DPYD: variants seen among roughly 807,000 people sequenced by gnomAD.
The protein encoded by DPYD is dihydropyrimidine dehydrogenase [NADP(+)].
DPYD carries 109 observed loss-of-function variants against 116.2 expected under a neutral mutation model. That is an observed-to-expected ratio of 0.94 (90% CI 0.80 to 1.10). DPYD has a LOEUF of 1.10. Among genes scored for constraint, DPYD ranks in the 50% least tolerant of loss-of-function variants. DPYD has a pLI of 0.00. For missense variants in DPYD, 1,302 were observed against 1,254.5 expected, an observed-to-expected ratio of 1.04 and a Z score of -0.57; for synonymous variants, 440 against 432.0, an observed-to-expected ratio of 1.02 and a Z score of -0.23.
intron 6 of DPYD, among the ~76,000 whole-genome samples, chr1:97,698,818 A>C (rs1439823638): frequency 6.6e-6 from 1 of 151,908 alleles, no homozygotes; most frequent in East Asian, 1.9e-4. Flanking sequence ...TCCATGTATA[A>C]ATTTTCATGG....
chr1:97,116,901 C>T (rs1652006766), intron 20 of DPYD, among the ~76,000 whole-genome samples: 1 of 151,024 alleles, frequency 6.6e-6, no homozygotes, highest in Non-Finnish European at 1.5e-5. Context: ...GTAATTCTAG[C>T]ACTTCGGGAG....
chr1:97,508,153 T>C (rs1039090783), intron 13 of DPYD, among the ~76,000 whole-genome samples: 1 of 152,010 alleles, frequency 6.6e-6, no homozygotes, highest in Non-Finnish European at 1.5e-5. Context: ...TCCAAGAGCA[T>C]GGCAATTTCA....
chr1:97,079,133 T>G lies in DPYD; in HGVS notation c.2921A>C (p.Asp974Ala), dbSNP rs72547602. 1 of 1,613,428 alleles carries G rather than the reference T, an allele frequency of 6.2e-7. No homozygotes were observed. The change falls in exon 23 of 23, where the codon GAT becomes GCT. Residue 974 changes from aspartate (D) to alanine (A), a missense_variant. Transcript: ENST00000370192. ...TATGGTGGGCAGGTGGGTTTCTGGATCAAACTGTATAGCCTGCAAACAGAA... is the reference window on the plus strand; with the variant it reads ...TATGGTGGGCAGGTGGGTTTCTGGAGCAAACTGTATAGCCTGCAAACAGAA... Reference protein sequence around the residue: ...NDSGYQAIQFDPETHLPTITD... With the variant: ...NDSGYQAIQFAPETHLPTITD...
rs146543187 is a variant in DPYD at position 97,803,908 on chromosome 1, C to A, written c.233+24206G>T. Among the ~76,000 whole-genome samples, 816 of 151,860 alleles carry A rather than the reference C, an allele frequency of 5.4e-3. 10 individuals carry two copies. The highest frequency in any genetic ancestry group is 0.019 in the African/African-American group (768 of 41,496). On this transcript the variant is annotated intron_variant, in intron 3 of 22. Coordinates refer to ENST00000370192, the MANE Select transcript of DPYD (RefSeq NM_000110.4). ...ATTCAGAAAATACTTGGCAACTCCA[C>A]CTCATATGTACCTGGACTTAAAATA...
intron 20 of DPYD, among the ~76,000 whole-genome samples, chr1:97,139,334 T>C (rs1169077505): frequency 6.6e-6 from 1 of 152,154 alleles, no homozygotes; most frequent in Non-Finnish European, 1.5e-5. Flanking sequence ...GTGTTTTTTG[T>C]TCTTCTGAGA....
At chr1:97,303,003 C>A (rs957042130) in intron 18 of DPYD, among the ~76,000 whole-genome samples, 1 of 151,958 alleles carries the variant, frequency 6.6e-6, no homozygotes, top group Non-Finnish European at 1.5e-5. Context: ...TTAGCTAATG[C>A]ATTTTCTCTA....
At chr1:97,441,189 G>C (rs969701930) in intron 14 of DPYD, among the ~76,000 whole-genome samples, 2 of 151,970 alleles carry the variant, frequency 1.3e-5, no homozygotes, top group African/African-American at 4.8e-5. Context: ...CTTATGCTTG[G>C]AGTTGATGAA....
At chr1:97,774,425 G>T (rs1666295320) in intron 3 of DPYD, among the ~76,000 whole-genome samples, 1 of 152,136 alleles carries the variant, frequency 6.6e-6, no homozygotes, top group Admixed American at 6.5e-5. Context: ...ATGATATTAA[G>T]AGTTTTGCTA....
intron 8 of DPYD, among the ~76,000 whole-genome samples, chr1:97,597,490 G>C (rs1438363342): frequency 1.3e-5 from 2 of 152,214 alleles, no homozygotes; most frequent in Admixed American, 6.5e-5. Flanking sequence ...TGAATCCTGT[G>C]AAGGTTAGGG....
intron 4 of DPYD, among the ~76,000 whole-genome samples, chr1:97,733,254 CTTTA>C (rs1378445614): frequency 6.6e-6 from 1 of 151,966 alleles, no homozygotes; most frequent in African/African-American, 2.4e-5. Context: ...CTCAGCTTTA[CTTTA>C]TTTAATTTTA....
At chr1:97,140,891 T>C (rs926347917) in intron 20 of DPYD, among the ~76,000 whole-genome samples, 2 of 152,182 alleles carry the variant, frequency 1.3e-5, no homozygotes, top group Admixed American at 1.3e-4. Context: ...CTGGCTTGTT[T>C]TGAAAGTGCA....
chr1:97,094,416 C>T (rs1280924235), intron 21 of DPYD, among the ~76,000 whole-genome samples: 1 of 152,126 alleles, frequency 6.6e-6, no homozygotes, highest in Non-Finnish European at 1.5e-5. Flanking sequence ...GTAAGCAACA[C>T]ACTGAGGCCT....
At chr1:97,515,168 A>C (rs1328668554) in intron 13 of DPYD, among the ~76,000 whole-genome samples, 2 of 151,926 alleles carry the variant, frequency 1.3e-5, no homozygotes, top group Non-Finnish European at 2.9e-5. Flanking sequence ...TAAAGACTCA[A>C]TCTCAACTTT....
chr1:97,872,223 A>G (rs1671691986), intron 2 of DPYD, among the ~76,000 whole-genome samples: 1 of 151,950 alleles, frequency 6.6e-6, no homozygotes, highest in Non-Finnish European at 1.5e-5. Context: ...CTTCTTTTGC[A>G]AATAAAGCTA....
rs148872228 is a variant in DPYD at position 97,548,591 on chromosome 1, G to T, written c.1524+969C>A. Among the ~76,000 whole-genome samples, 130 of 152,134 alleles carry T rather than the reference G, an allele frequency of 8.5e-4. 4 individuals carry two copies. In the East Asian group the frequency reaches 0.023, roughly 27 times the overall value. On this transcript the variant is annotated intron_variant, in intron 12 of 22. Coordinates refer to ENST00000370192, the MANE Select transcript of DPYD (RefSeq NM_000110.4). ...ATCTCTACTAAAAATACAAAAATTA[G>T]CTGGGTGTGGTGGCATGAACCTATA...
intron 12 of DPYD, among the ~76,000 whole-genome samples, chr1:97,526,523 A>T (rs1290439416): frequency 2.0e-5 from 3 of 152,174 alleles, no homozygotes; most frequent in Non-Finnish European, 4.4e-5. Context: ...AAAATATTTT[A>T]AAAATCCCTC....
intron 8 of DPYD, among the ~76,000 whole-genome samples, chr1:97,598,806 AT>A (rs1655056772): frequency 1.3e-5 from 2 of 152,196 alleles, no homozygotes; most frequent in South Asian, 4.1e-4. Flanking sequence ...CACATTTTAA[AT>A]ATGAGGAAAT....
chr1:97,748,210 G>C (rs186268708), intron 3 of DPYD, among the ~76,000 whole-genome samples: 206 of 152,132 alleles, frequency 1.4e-3, no homozygotes, highest in African/African-American at 4.6e-3. Context: ...TTCTTAGATA[G>C]AGAAACTTAT....
At chr1:97,458,199 T>C (rs1256962804) in intron 13 of DPYD, among the ~76,000 whole-genome samples, 1 of 152,180 alleles carries the variant, frequency 6.6e-6, no homozygotes, top group African/African-American at 2.4e-5. Flanking sequence ...TTGGAAGTGA[T>C]AAATATTTTT....
Sources: gnomAD v4.1 joint callset for allele counts (sites outside exome capture counted in the v4.1 genomes callset) on GRCh38, gnomAD v4.1.1 for gene constraint, MANE v1.5 for transcripts, NCBI Gene and HGNC (gene_info 2026-07-23, HGNC 2026-07-21) for gene names.